The following EML6 variants were observed in gnomAD, a reference collection of about 807,000 sequenced individuals.
EML6 encodes EMAP like 6, also known as echinoderm microtubule-associated protein-like 6.
A neutral mutation model predicts 240.1 loss-of-function variants in EML6; 154 were observed. The ratio of observed to expected loss-of-function variants is 0.64; its 90% CI spans 0.56 to 0.73. The LOEUF (loss-of-function observed/expected upper bound fraction) is 0.73. Among genes scored for constraint, EML6 ranks in the 30% least tolerant of loss-of-function variants. EML6 has a pLI of 0.00. For missense variants in EML6, 2,964 were observed against 2,474.6 expected (o/e 1.20, Z -4.20); for synonymous variants, 1,148 against 899.0 (o/e 1.28, Z -4.95).
chr2:54,913,343 G>T (rs547598707), intron 25 of EML6, among the ~76,000 whole-genome samples: 102 of 151,798 alleles, frequency 6.7e-4, no homozygotes, highest in African/African-American at 2.3e-3. Context: ...GACTTGCCGG[G>T]CTTAGGTGAT....
intron 2 of EML6, among the ~76,000 whole-genome samples, chr2:54,776,926 T>C (rs1351605468): frequency 6.6e-6 from 1 of 152,250 alleles, no homozygotes; most frequent in Admixed American, 6.5e-5. Context: ...TCTAAGTATT[T>C]ATCCTAATAA....
chr2:54,962,483 A>C, intron 35 of EML6, 40 bp from the exon 36 acceptor site: 1 of 1,447,630 alleles, frequency 6.9e-7, no homozygotes, highest in Non-Finnish European at 9.3e-7. Flanking sequence ...GCAGTCATAC[A>C]GTATTTGTCC....
chr2:54,808,196 A>C (rs1019601939), intron 2 of EML6, among the ~76,000 whole-genome samples: 6 of 152,166 alleles, frequency 3.9e-5, no homozygotes, highest in African/African-American at 1.4e-4. Context: ...TCAAGATCAC[A>C]GTTGTGGTGG....
intron 16 of EML6, among the ~76,000 whole-genome samples, chr2:54,873,866 G>A (rs929857511): frequency 6.9e-6 from 1 of 145,096 alleles, no homozygotes. Flanking sequence ...ACAAAGCTGT[G>A]ATTCAAAATG....
Position 54,905,348 on chromosome 2 carries a change from A to ACACG in EML6, c.3409+1849_3409+1850insGCAC, listed in dbSNP as rs1176165709. On this transcript the variant is annotated intron_variant, in intron 24 of 41. Transcript: ENST00000356458. ...CACACACACACACACACACACACACACACACACACACACACACACACACAC... is the reference window on the plus strand; with the variant it reads ...CACACACACACACACACACACACACACACGCACACACACACACACACACACACAC... 5.3e-5 allele frequency among the ~76,000 whole-genome samples: 8 copies of ACACG among 149,888 alleles called. No individual in the cohort carries two copies. In the East Asian group the frequency reaches 1.6e-3, roughly 29 times the overall value.
Position 54,853,784 on chromosome 2 carries a change from A to G in EML6, c.1586A>G (p.Asn529Ser), listed in dbSNP as rs1481533882. The G allele has an allele frequency of 1.9e-6, 3 of 1,551,604 alleles. No individual in the cohort carries two copies. The highest frequency in any genetic ancestry group is 3.9e-5 in the Admixed American group (2 of 50,986). ...ATCAACTCAGTGGATGCGAATTACA[A>G]CAGCTCAGTGCTGGTGTCTGGAGAT... ...TDINSVDANY[N>S]SSVLVSGDDF... Residue 529 changes from asparagine to serine, a missense_variant, in exon 11 of 42, where the codon AAC becomes AGC. Transcript: ENST00000356458.
intron 6 of EML6, among the ~76,000 whole-genome samples, chr2:54,828,978 C>T (rs1254408451): frequency 6.6e-6 from 1 of 152,200 alleles, no homozygotes; most frequent in African/African-American, 2.4e-5. Flanking sequence ...TTATTTTAGG[C>T]AGCAACTTCC....
chr2:54,954,864 T>G lies in EML6; in HGVS notation c.4486+708T>G, dbSNP rs555974798. Among the ~76,000 whole-genome samples, 3 of 152,344 alleles carry G rather than the reference T, an allele frequency of 2.0e-5. No individual in the cohort carries two copies. The East Asian group carries it at 5.8e-4, about 29-fold the overall frequency. ...AGTCAGAACATTAATGAGGTCTGTC[T>G]GCAGCTAGGCAGCCTGTATCTGGGA... On this transcript the variant is annotated intron_variant, in intron 32 of 41. Transcript: ENST00000356458.
intron 2 of EML6, among the ~76,000 whole-genome samples, chr2:54,801,334 A>AT (rs1553381476): frequency 1.4e-4 from 21 of 151,430 alleles, no homozygotes; most frequent in Non-Finnish European, 2.8e-4. Context: ...AAAAAAAAAA[A>AT]GGTTTCTCAT....
intron 2 of EML6, among the ~76,000 whole-genome samples, chr2:54,773,243 A>G (rs1668470469): frequency 6.6e-6 from 1 of 152,254 alleles, no homozygotes; most frequent in Non-Finnish European, 1.5e-5. Context: ...AGCTACACTA[A>G]GTGACCTCAG....
In EML6 at chr2:54,844,257, C is replaced by G. The variant is rs1392220098; in HGVS notation, c.1049+9C>G. ...GATGACCGCTCTGTCAGGTGAGGCC[C>G]TACCGCCGTCACCTCTCTGACTTCT... On this transcript the variant is annotated intron_variant, in intron 8 of 41. Transcript: ENST00000356458. 2 of 1,548,594 alleles carry G rather than the reference C, an allele frequency of 1.3e-6. No individual in the cohort carries two copies. Among genetic ancestry groups the G allele is most frequent in the South Asian group, 2.4e-5 (2 of 83,992 alleles).
rs1368579338 is a variant in EML6, at chr2:54,829,413, G to A, written c.783G>A (p.Leu261=). The A allele has an allele frequency of 1.3e-6, 2 of 1,551,824 alleles. No individual in the cohort carries two copies. Among genetic ancestry groups the A allele is most frequent in the South Asian group, 2.4e-5 (2 of 84,054 alleles). The change falls in exon 7 of 42, where the codon CTG becomes CTA. Residue 261 remains leucine (L), a synonymous_variant. Transcript: ENST00000356458. ...ATGGRDGCIR[L]WDTDFKPITK... is the part of the protein sequence containing the mutation. Reference sequence around the variant, plus strand: ...GTGGGCGAGATGGGTGTATACGACTGTGGGACACTGATTTCAAACCAATAA... The same window carrying A: ...GTGGGCGAGATGGGTGTATACGACTATGGGACACTGATTTCAAACCAATAA...
At chr2:54,781,283 C>G (rs1243844226) in intron 2 of EML6, among the ~76,000 whole-genome samples, 1 of 152,132 alleles carries the variant, frequency 6.6e-6, no homozygotes, top group Non-Finnish European at 1.5e-5. Flanking sequence ...TTGCAAGGAG[C>G]CAGTCATCCA....
At chr2:54,829,654 G>T (rs1397759099) in intron 7 of EML6, among the ~76,000 whole-genome samples, 177 bp downstream of exon 7, 1 of 152,214 alleles carries the variant, frequency 6.6e-6, no homozygotes, top group Non-Finnish European at 1.5e-5. Context: ...TCGCACAAAT[G>T]CATCTGCATG....
At chr2:54,790,463 G>A (rs1166336161) in intron 2 of EML6, among the ~76,000 whole-genome samples, 1 of 152,058 alleles carries the variant, frequency 6.6e-6, no homozygotes, top group Non-Finnish European at 1.5e-5. Flanking sequence ...TATAAACATT[G>A]ACAATATTTG....
chr2:54,854,008 G>C (rs1188293690), intron 11 of EML6, among the ~76,000 whole-genome samples, 153 bp downstream of exon 11: 3 of 152,138 alleles, frequency 2.0e-5, no homozygotes, highest in Non-Finnish European at 2.9e-5. Flanking sequence ...AATAGAATGT[G>C]TTGATGTCTT....
At chr2:54,963,914 G>C in intron 36 of EML6, 72 bp from the exon 37 acceptor site, 1 of 1,410,968 alleles carries the variant, frequency 7.1e-7, no homozygotes, top group Non-Finnish European at 9.4e-7. Context: ...TCTCTGGCCT[G>C]GTGCAGAATG....
chr2:54,785,874 G>C (rs998821461), intron 2 of EML6, among the ~76,000 whole-genome samples: 2 of 151,820 alleles, frequency 1.3e-5, no homozygotes, highest in African/African-American at 4.8e-5. Context: ...GGGAAAATTT[G>C]AGTATAAGTG....
intron 28 of EML6, among the ~76,000 whole-genome samples, chr2:54,937,091 C>A (rs569556072): frequency 1.3e-5 from 2 of 151,236 alleles, no homozygotes; most frequent in African/African-American, 4.9e-5. Flanking sequence ...ACGTGCCTGA[C>A]CAACGTGGAA....
Sources: allele counts gnomAD v4.1 joint callset (sites outside exome capture counted in the v4.1 genomes callset), GRCh38; gene constraint gnomAD v4.1.1; transcripts MANE v1.5; gene names NCBI Gene and HGNC (gene_info 2026-07-23, HGNC 2026-07-21).